NDUFAF2: variants seen among roughly 807,000 people sequenced by gnomAD.
The protein encoded by NDUFAF2 is NADH dehydrogenase [ubiquinone] 1 alpha subcomplex assembly factor 2.
In NDUFAF2, 13 loss-of-function variants were observed where a neutral mutation model predicts 22.8. The ratio of observed to expected loss-of-function variants is 0.57; its 90% confidence interval spans 0.37 to 0.91. The LOEUF is 0.91. Ranked by LOEUF, NDUFAF2 falls within the 40% of genes least tolerant of loss-of-function variation. The pLI is 0.01. For synonymous variants in NDUFAF2, 53 were observed against 64.2 expected, an observed-to-expected ratio of 0.83 and a Z score of 0.84; for missense variants, 162 against 195.2, an observed-to-expected ratio of 0.83 and a Z score of 1.01.
intron 1 of NDUFAF2, among the ~76,000 whole-genome samples, chr5:60,996,877 A>AT (rs1305612049): frequency 2.0e-5 from 3 of 152,190 alleles, no homozygotes; most frequent in Non-Finnish European, 2.9e-5. Flanking sequence ...TTCAGGACTG[A>AT]TTTTTTGTCT....
chr5:60,982,887 T>C (rs554473450), intron 1 of NDUFAF2, among the ~76,000 whole-genome samples: 11 of 152,212 alleles, frequency 7.2e-5, no homozygotes, highest in African/African-American at 2.6e-4. Context: ...TAGAGAAGCA[T>C]GATTCGTAAA....
chr5:61,044,920 G>A (rs1011165287), intron 1 of NDUFAF2, among the ~76,000 whole-genome samples: 21 of 151,656 alleles, frequency 1.4e-4, no homozygotes, highest in Non-Finnish European at 2.6e-4. Context: ...GGGGAGTATG[G>A]ACATGTTAGC....
At chr5:61,129,438 T>C (rs1315091782) in intron 3 of NDUFAF2, among the ~76,000 whole-genome samples, 3 of 152,128 alleles carry the variant, frequency 2.0e-5, no homozygotes, top group Non-Finnish European at 2.9e-5. Context: ...GTGGCACATA[T>C]ACACCATGGA....
At chr5:61,145,572 A>G (rs73099805) in intron 3 of NDUFAF2, among the ~76,000 whole-genome samples, 2,524 of 152,288 alleles carry the variant, frequency 0.017, 75 homozygotes, top group African/African-American at 0.058. Context: ...TAAAAAGCAA[A>G]TATTCCAAGA....
At position 61,042,451 on chromosome 5, in the gene NDUFAF2, A is replaced by AAT. The variant is rs200722949; in HGVS notation, c.128-30664_128-30663dup. ...TCTATGTATGTATGTATTTGTGTGT[A>AAT]ATATATATATAGAGAGATATACATT... On this transcript the variant is annotated intron_variant, in intron 1 of 3. Transcript: ENST00000296597. Among the ~76,000 whole-genome samples the AAT allele has an allele frequency of 3.0e-4, 45 of 152,198 alleles. 1 individual carries two copies. Among genetic ancestry groups the AAT allele is most frequent in the Non-Finnish European group, 5.7e-4 (39 of 67,994 alleles).
At chr5:60,989,793 G>A (rs1415088937) in intron 1 of NDUFAF2, among the ~76,000 whole-genome samples, 3 of 152,046 alleles carry the variant, frequency 2.0e-5, no homozygotes, top group South Asian at 2.1e-4. Context: ...AATACCTATC[G>A]GGTACTATGC....
intron 1 of NDUFAF2, among the ~76,000 whole-genome samples, chr5:61,052,180 G>A (rs965045340): frequency 3.4e-5 from 5 of 148,258 alleles, no homozygotes; most frequent in East Asian, 1.9e-4. Context: ...ACAGTTGGTC[G>A]CACAACTCAT....
At chr5:61,040,277 C>T (rs967722423) in intron 1 of NDUFAF2, among the ~76,000 whole-genome samples, 17 of 121,084 alleles carry the variant, frequency 1.4e-4, no homozygotes, top group African/African-American at 6.4e-4. Context: ...CACACACACA[C>T]ACACACACAC....
At chr5:61,038,117 G>GAGAGAGAGA (rs1751823876) in intron 1 of NDUFAF2, among the ~76,000 whole-genome samples, 1 of 111,682 alleles carries the variant, frequency 9.0e-6, no homozygotes, top group African/African-American at 3.6e-5. Context: ...AGAGAGAGAG[G>GAGAGAGAGA]GAGAGAGAGA....
At chr5:61,037,437 G>T (rs1173240872) in intron 1 of NDUFAF2, among the ~76,000 whole-genome samples, 1 of 152,130 alleles carries the variant, frequency 6.6e-6, no homozygotes, top group Non-Finnish European at 1.5e-5. Context: ...ATAATTTGAG[G>T]TCATACTTTA....
intron 3 of NDUFAF2, among the ~76,000 whole-genome samples, chr5:61,142,380 C>T (rs1741072661): frequency 6.6e-6 from 1 of 152,118 alleles, no homozygotes; most frequent in Admixed American, 6.6e-5. Context: ...AGAAAGAAAA[C>T]TTAATGCCAG....
chr5:60,954,999 T>C (rs1750597105), intron 1 of NDUFAF2, among the ~76,000 whole-genome samples: 1 of 152,194 alleles, frequency 6.6e-6, no homozygotes, highest in Admixed American at 6.5e-5. Flanking sequence ...TTATGAGATA[T>C]GGTTTGCAAA....
At chr5:60,960,440 A>G (rs764392926) in intron 1 of NDUFAF2, among the ~76,000 whole-genome samples, 1 of 152,198 alleles carries the variant, frequency 6.6e-6, no homozygotes, top group Non-Finnish European at 1.5e-5. Context: ...TGTAAAACCC[A>G]GTTTCTCTGC....
At chr5:61,117,499 G>GTGCACACTACT (rs1394061504) in intron 3 of NDUFAF2, among the ~76,000 whole-genome samples, 1 of 152,106 alleles carries the variant, frequency 6.6e-6, no homozygotes, top group Non-Finnish European at 1.5e-5. Context: ...GGGGCTGCAA[G>GTGCACACTACT]TGCACACTAC....
intron 1 of NDUFAF2, among the ~76,000 whole-genome samples, chr5:61,015,799 TAC>T (rs1328575194): frequency 6.6e-6 from 1 of 152,126 alleles, no homozygotes; most frequent in Non-Finnish European, 1.5e-5. Context: ...CAAAAATAAT[TAC>T]AGATTATATA....
At chr5:61,114,722 A>C (rs1253693134) in intron 3 of NDUFAF2, 2 of 151,650 alleles carry the variant, frequency 1.3e-5, no homozygotes, top group African/African-American at 4.8e-5. Context: ...TTGTAATCTA[A>C]GTTTTTAGTC....
intron 1 of NDUFAF2, among the ~76,000 whole-genome samples, chr5:61,066,276 T>C (rs577683738): frequency 3.1e-4 from 47 of 152,074 alleles, no homozygotes; most frequent in Non-Finnish European, 5.6e-4. Flanking sequence ...AGAATGTTCA[T>C]AGTACCCAAA....
chr5:60,988,167 A>G (rs781058998), intron 1 of NDUFAF2, among the ~76,000 whole-genome samples: 4 of 152,150 alleles, frequency 2.6e-5, no homozygotes, highest in South Asian at 2.1e-4. Flanking sequence ...CAGGAATGCA[A>G]TCCCATTCAC....
In NDUFAF2 at chr5:60,957,379, A is replaced by G. The variant is rs150105847; in HGVS notation, c.127+11997A>G. Among the ~76,000 whole-genome samples the G allele has an allele frequency of 8.1e-3, 1,236 of 152,306 alleles. 11 individuals carry two copies. The highest frequency in any genetic ancestry group is 0.017 in the Middle Eastern group (5 of 294). ...AAGCACTCCTGTTTTTAAATGTAAC[A>G]ATAACACCATCATCATATATAGAAA... On this transcript the variant is annotated intron_variant, in intron 1 of 3. Transcript: ENST00000296597.
Sources: gnomAD v4.1 joint callset for allele counts (sites outside exome capture counted in the v4.1 genomes callset) on GRCh38, gnomAD v4.1.1 for gene constraint, MANE v1.5 for transcripts, NCBI Gene and HGNC (gene_info 2026-07-23, HGNC 2026-07-21) for gene names.